Variants in NDST4 observed in about 807,000 individuals in gnomAD.
The protein encoded by NDST4 is N-heparan sulfate sulfotransferase 4.
Under a neutral mutation model 100.8 loss-of-function variants are expected in NDST4, and 63 were observed. The observed-to-expected ratio is 0.62, with a 90% confidence interval of 0.51 to 0.77. The LOEUF (loss-of-function observed/expected upper bound fraction) is 0.77, where lower values mean the gene tolerates loss of function less well. NDST4 is among the 30% of genes least tolerant of loss of function. The probability of loss-of-function intolerance (pLI) is 0.00; values close to 1 mark genes in which losing one functional copy is unlikely to be tolerated. For synonymous variants in NDST4, 377 were observed against 361.8 expected, an observed-to-expected ratio of 1.04 and a Z score of -0.48; for missense variants, 943 against 1,018.4, an observed-to-expected ratio of 0.93 and a Z score of 1.01.
In NDST4 at chr4:114,882,390, C is replaced by T. The variant is rs565629030; in HGVS notation, c.1537-11440G>A. Among the ~76,000 whole-genome samples the T allele has an allele frequency of 2.0e-5, 3 of 152,098 alleles. No individual in the cohort carries two copies. The South Asian group carries it at 6.2e-4, about 32-fold the overall frequency. ...AGGATATGGGTAGAAAACATCACTG[C>T]TATATTCCTGAAGAACCACATAGGC... On this transcript the variant is annotated intron_variant, in intron 6 of 13. Coordinates refer to ENST00000264363, the MANE Select transcript of NDST4 (RefSeq NM_022569.3).
chr4:115,005,782 G>T (rs1727400252), intron 2 of NDST4, among the ~76,000 whole-genome samples: 1 of 151,946 alleles, frequency 6.6e-6, no homozygotes. Context: ...AAATAAAACA[G>T]AAACAGGTAT....
chr4:114,943,800 A>G (rs980109374), intron 4 of NDST4, among the ~76,000 whole-genome samples: 1 of 152,192 alleles, frequency 6.6e-6, no homozygotes, highest in African/African-American at 2.4e-5. Context: ...TTTCTCATTT[A>G]TAAAATTAGT....
intron 2 of NDST4, among the ~76,000 whole-genome samples, chr4:115,049,775 G>A (rs1728545233): frequency 6.6e-6 from 1 of 152,198 alleles, no homozygotes; most frequent in South Asian, 2.1e-4. Context: ...TTGGGGTATT[G>A]GAGAGAAAAT....
intron 1 of NDST4, among the ~76,000 whole-genome samples, chr4:115,080,506 C>T (rs540424483): frequency 6.6e-6 from 1 of 152,122 alleles, no homozygotes; most frequent in African/African-American, 2.4e-5. Context: ...TCCCTTTAAC[C>T]AAATTGGATT....
At chr4:115,069,793 G>T (rs1729032891) in intron 2 of NDST4, among the ~76,000 whole-genome samples, 1 of 152,192 alleles carries the variant, frequency 6.6e-6, no homozygotes, top group South Asian at 2.1e-4. Context: ...TGTGGCAAGA[G>T]AATTGCTTGA....
chr4:115,101,674 T>C (rs999533105), intron 1 of NDST4, among the ~76,000 whole-genome samples: 5 of 152,050 alleles, frequency 3.3e-5, no homozygotes, highest in Admixed American at 2.6e-4. Flanking sequence ...AGTCCAGTGG[T>C]ATAGTGAAGT....
intron 2 of NDST4, among the ~76,000 whole-genome samples, chr4:114,980,128 GCAA>G (rs1358974535): frequency 6.6e-6 from 1 of 151,956 alleles, no homozygotes; most frequent in Non-Finnish European, 1.5e-5. Flanking sequence ...AAATATTAGG[GCAA>G]AAATAATATG....
At chr4:115,072,250 A>T (rs693155) in intron 2 of NDST4, among the ~76,000 whole-genome samples, 3 of 152,096 alleles carry the variant, frequency 2.0e-5, no homozygotes, top group South Asian at 4.1e-4. Context: ...AAGTAGAAAA[A>T]TTAATATTGT....
chr4:115,056,770 C>T (rs942244861), intron 2 of NDST4, among the ~76,000 whole-genome samples: 16 of 152,254 alleles, frequency 1.1e-4, no homozygotes, highest in African/African-American at 3.4e-4. Flanking sequence ...GACCATGACT[C>T]TTCACATTAA....
At chr4:114,994,889 A>C (rs1319400551) in intron 2 of NDST4, among the ~76,000 whole-genome samples, 2 of 152,030 alleles carry the variant, frequency 1.3e-5, no homozygotes, top group African/African-American at 2.4e-5. Flanking sequence ...AGGGAATCAT[A>C]AAATCTCCAC....
At chr4:114,922,575 T>A (rs1291360066) in intron 6 of NDST4, among the ~76,000 whole-genome samples, 1 of 152,160 alleles carries the variant, frequency 6.6e-6, no homozygotes, top group East Asian at 1.9e-4. Context: ...TAAAGCTTTT[T>A]AACAAACGTT....
chr4:115,044,192 A>C (rs1401772678), intron 2 of NDST4, among the ~76,000 whole-genome samples: 1 of 152,150 alleles, frequency 6.6e-6, no homozygotes, highest in Non-Finnish European at 1.5e-5. Context: ...CCTTCCTTCC[A>C]AAAGTATGGT....
chr4:115,056,376 G>T (rs926492197), intron 2 of NDST4, among the ~76,000 whole-genome samples: 1 of 152,076 alleles, frequency 6.6e-6, no homozygotes, highest in East Asian at 1.9e-4. Flanking sequence ...ATAATATAAA[G>T]AGTAAAACAC....
At chr4:114,977,714 C>A (rs1462577163) in intron 2 of NDST4, among the ~76,000 whole-genome samples, 1 of 151,972 alleles carries the variant, frequency 6.6e-6, no homozygotes, top group East Asian at 1.9e-4. Flanking sequence ...AACTGGGCCA[C>A]CTCCCTCATC....
At chr4:114,992,495 G>A (rs1017111177) in intron 2 of NDST4, among the ~76,000 whole-genome samples, 2 of 150,854 alleles carry the variant, frequency 1.3e-5, no homozygotes, top group African/African-American at 4.9e-5. Context: ...GGTTGTACAG[G>A]TGACCCTTCA....
chr4:114,961,542 C>T (rs528554078), intron 4 of NDST4, among the ~76,000 whole-genome samples: 1 of 151,968 alleles, frequency 6.6e-6, no homozygotes, highest in East Asian at 1.9e-4. Flanking sequence ...TAATAACTGC[C>T]ATGAGGTAAT....
rs1192602733 is a variant in NDST4 at position 115,009,345 on chromosome 4, C to A, written c.979-32071G>T. Among the ~76,000 whole-genome samples the A allele has an allele frequency of 1.3e-4, 16 of 127,930 alleles. 4 individuals are homozygous for A. Among genetic ancestry groups the A allele is most frequent in the African/African-American group, 3.6e-4 (12 of 33,578 alleles). The allele number at this position is 127,930 out of a possible 152,430, so 83.9% of individuals were successfully genotyped here. A position where few individuals can be genotyped will look rare whatever the true frequency, so the allele number is the denominator to read the frequency against. ...CTGGTACCAAAACAGAGATATAGATCAATGGAACAGAACAGAGCCCTCAGA... is the reference window on the plus strand; with the variant it reads ...CTGGTACCAAAACAGAGATATAGATAAATGGAACAGAACAGAGCCCTCAGA... On this transcript the variant is annotated intron_variant, in intron 2 of 13. Transcript: ENST00000264363.
chr4:114,832,042 G>C (rs1490288190), intron 12 of NDST4, among the ~76,000 whole-genome samples: 5 of 151,772 alleles, frequency 3.3e-5, no homozygotes, highest in African/African-American at 1.2e-4. Flanking sequence ...TTTTGTACTT[G>C]TTTGTAATCT....
At chr4:115,092,473 CAGTT>C (rs67511895) in intron 1 of NDST4, among the ~76,000 whole-genome samples, 67,981 of 151,746 alleles carry the variant, frequency 0.45, 16,331 homozygotes, top group Non-Finnish European at 0.56. Flanking sequence ...GATAAAATGT[CAGTT>C]AGTCTAAATG....
Sources: allele counts gnomAD v4.1 joint callset (sites outside exome capture counted in the v4.1 genomes callset), GRCh38; gene constraint gnomAD v4.1.1; transcripts MANE v1.5; gene names NCBI Gene and HGNC (gene_info 2026-07-23, HGNC 2026-07-21).